MYO16: variants seen among roughly 807,000 people sequenced by gnomAD.
MYO16 encodes unconventional myosin-XVI.
MYO16 carries 94 observed loss-of-function variants against 205.3 expected under a neutral mutation model. The observed-to-expected ratio is 0.46, with a 90% CI of 0.39 to 0.54. MYO16 has a LOEUF of 0.54. Ranked by LOEUF, MYO16 falls within the 20% of genes least tolerant of loss-of-function variation. MYO16 has a pLI of 0.00. For missense variants in MYO16, 2,315 were observed against 2,387.5 expected (o/e 0.97, Z 0.63); for synonymous variants, 988 against 954.0 (o/e 1.04, Z -0.66).
chr13:109,080,634 A>G (rs1339096710), intron 27 of MYO16, among the ~76,000 whole-genome samples: 12 of 152,082 alleles, frequency 7.9e-5, no homozygotes, highest in Admixed American at 7.9e-4. Context: ...CTTTGTCCAC[A>G]ATAGAATGTA....
intron 1 of MYO16, chr13:108,659,486 T>C (rs576408133): frequency 1.7e-5 from 4 of 235,388 alleles, no homozygotes; most frequent in South Asian, 1.4e-4. Context: ...AGGATAACCA[T>C]ATATGTAGAA....
chr13:109,060,179 A>G (rs1315053727), intron 27 of MYO16, among the ~76,000 whole-genome samples: 1 of 152,214 alleles, frequency 6.6e-6, no homozygotes, highest in African/African-American at 2.4e-5. Context: ...ATAAAGACAC[A>G]TTCACATGTA....
intron 27 of MYO16, among the ~76,000 whole-genome samples, chr13:109,098,427 C>T (rs1309934360): frequency 3.9e-5 from 6 of 152,158 alleles, no homozygotes; most frequent in Non-Finnish European, 7.4e-5. Context: ...AAAAAGTTGT[C>T]GAGGTGCTTA....
intron 2 of MYO16, among the ~76,000 whole-genome samples, chr13:108,682,540 A>G (rs1882505254): frequency 6.6e-6 from 1 of 152,182 alleles, no homozygotes; most frequent in Non-Finnish European, 1.5e-5. Context: ...TAGTATATGT[A>G]ATCAATAGAT....
chr13:109,128,230 G>C, intron 31 of MYO16, among the ~76,000 whole-genome samples: 1 of 152,288 alleles, frequency 6.6e-6, no homozygotes, highest in East Asian at 1.9e-4. Context: ...TCTATTCTAG[G>C]CATGTCTGTC....
chr13:108,626,969 T>A (rs574913328), upstream of MYO16, among the ~76,000 whole-genome samples: 19 of 145,682 alleles, frequency 1.3e-4, no homozygotes, highest in Middle Eastern at 3.6e-3. Flanking sequence ...AATATATATA[T>A]TATATATTAT....
In MYO16 at chr13:108,676,677, GT is replaced by G. The variant is rs1212156090; in HGVS notation, c.292+10529del. ...CATGAGAATATGGACCAAAGCCCAT[GT>G]GGAGTGAGTGACACTGCTGCAAGTT... On this transcript the variant is annotated intron_variant, in intron 2 of 34. Coordinates refer to ENST00000457511, the MANE Select transcript of MYO16 (RefSeq NM_001198950.3). 2.6e-5 allele frequency among the ~76,000 whole-genome samples: 4 copies of G among 152,210 alleles called. No homozygotes were observed. In the East Asian group the frequency reaches 7.7e-4, roughly 29 times the overall value.
intron 6 of MYO16, among the ~76,000 whole-genome samples, chr13:108,800,099 C>G (rs1886924610): frequency 6.6e-6 from 1 of 152,164 alleles, no homozygotes; most frequent in Non-Finnish European, 1.5e-5. Context: ...GCTCACTCAG[C>G]TTTTGGGAGT....
chr13:108,677,412 A>G (rs1882278394), intron 2 of MYO16, among the ~76,000 whole-genome samples: 1 of 148,642 alleles, frequency 6.7e-6, no homozygotes, highest in African/African-American at 2.5e-5. Context: ...GTATACATAT[A>G]TATTCAGGTA....
chr13:109,201,126 T>C (rs1383595379), intron 34 of MYO16, among the ~76,000 whole-genome samples: 1 of 152,190 alleles, frequency 6.6e-6, no homozygotes, highest in Non-Finnish European at 1.5e-5. Flanking sequence ...AGTTCTTGCG[T>C]TCTTTTAGAT....
intron 4 of MYO16, among the ~76,000 whole-genome samples, chr13:108,768,947 T>C (rs1885869960): frequency 6.6e-6 from 1 of 152,290 alleles, no homozygotes; most frequent in South Asian, 2.1e-4. Context: ...TAGCTTTTCC[T>C]GGAATTAAAG....
At chr13:108,665,829 A>G (rs1230614635) in intron 1 of MYO16, 57 bp from the exon 2 acceptor site, 2 of 1,534,094 alleles carry the variant, frequency 1.3e-6, no homozygotes, top group Non-Finnish European at 1.8e-6. Context: ...GCTGTGGTGC[A>G]CACTTATAGT....
chr13:108,887,394 G>A (rs1264266525), intron 13 of MYO16, among the ~76,000 whole-genome samples: 1 of 152,098 alleles, frequency 6.6e-6, no homozygotes, highest in Non-Finnish European at 1.5e-5. Context: ...TCCTAAAAGG[G>A]CTTTAAAAAG....
At chr13:108,847,777 A>T (rs1363042943) in intron 10 of MYO16, among the ~76,000 whole-genome samples, 6 of 152,070 alleles carry the variant, frequency 3.9e-5, no homozygotes. Context: ...ATAATGTGCA[A>T]GACTTCCTTC....
intron 14 of MYO16, among the ~76,000 whole-genome samples, chr13:108,897,025 A>G (rs779174475): frequency 9.9e-5 from 15 of 152,034 alleles, no homozygotes; most frequent in Non-Finnish European, 2.1e-4. Flanking sequence ...AAATTTTTTA[A>G]AAAAAGTGGG....
chr13:108,935,280 T>A (rs1183197997), intron 16 of MYO16, among the ~76,000 whole-genome samples: 1 of 152,210 alleles, frequency 6.6e-6, no homozygotes, highest in African/African-American at 2.4e-5. Context: ...TTTGTTTGTG[T>A]CATCTGTAAT....
Position 109,113,619 on chromosome 13 carries a change from A to G in MYO16, c.3439-6751A>G, listed in dbSNP as rs530310152. Among the ~76,000 whole-genome samples the G allele has an allele frequency of 1.3e-3, 192 of 152,338 alleles. 4 individuals are homozygous for G. The highest frequency in any genetic ancestry group is 2.8e-4 in the Non-Finnish European group (19 of 68,026). ...CAGGAAGTGGGTTCTAGAAACCTCA[A>G]TAGAACTTATGACTAAATGGGGACT... On this transcript the variant is annotated intron_variant, in intron 28 of 34. Coordinates refer to ENST00000457511, the MANE Select transcript of MYO16 (RefSeq NM_001198950.3).
At chr13:109,086,762 C>T (rs1458090504) in intron 27 of MYO16, among the ~76,000 whole-genome samples, 1 of 152,096 alleles carries the variant, frequency 6.6e-6, no homozygotes, top group Non-Finnish European at 1.5e-5. Context: ...GCTAATTACC[C>T]CTCACTATTA....
At chr13:108,764,712 C>G (rs1885722880) in intron 4 of MYO16, among the ~76,000 whole-genome samples, 2 of 152,212 alleles carry the variant, frequency 1.3e-5, no homozygotes, top group African/African-American at 4.8e-5. Flanking sequence ...GAAGCACTTA[C>G]TCAGTAGACT....
Sources: allele counts gnomAD v4.1 joint callset (sites outside exome capture counted in the v4.1 genomes callset), GRCh38; gene constraint gnomAD v4.1.1; transcripts MANE v1.5; gene names NCBI Gene and HGNC (gene_info 2026-07-23, HGNC 2026-07-21).